Variants in VPS13B observed in about 807,000 individuals in gnomAD.
VPS13B encodes intermembrane lipid transfer protein VPS13B.
Under a neutral mutation model 426.4 loss-of-function variants are expected in VPS13B, and 285 were observed. The observed-to-expected ratio is 0.67, with a 90% CI of 0.61 to 0.74. The LOEUF is 0.74. Ranked by LOEUF, VPS13B falls within the 30% of genes least tolerant of loss-of-function variation. The probability of loss-of-function intolerance (pLI) is 0.00; values close to 1 mark genes in which losing one functional copy is unlikely to be tolerated. For missense variants in VPS13B, 4,537 were observed against 4,782.6 expected (o/e 0.95, Z 1.51); for synonymous variants, 1,676 against 1,676.4 (o/e 1.00, Z 0.01).
chr8:99,831,617 T>C lies in VPS13B; in HGVS notation c.9331-752T>C, dbSNP rs112318224. On this transcript the variant is annotated intron_variant, in intron 51 of 61. Coordinates refer to ENST00000357162, the MANE Select transcript of VPS13B (RefSeq NM_152564.5). ...TCTGTCTCTGTAGGTTCCATAGTTA[T>C]GGATTCAACCAAACATAGACCAAAA... Among the ~76,000 whole-genome samples the C allele has an allele frequency of 2.4e-3, 368 of 152,312 alleles. 2 individuals carry two copies. The highest frequency in any genetic ancestry group is 8.5e-3 in the African/African-American group (352 of 41,578).
intron 19 of VPS13B, among the ~76,000 whole-genome samples, chr8:99,352,696 C>G (rs909396023): frequency 6.6e-6 from 1 of 151,656 alleles, no homozygotes. Context: ...TGGTAGCGGG[C>G]GCCTCTAATC....
At chr8:99,533,029 TCC>T (rs1823013717) in intron 30 of VPS13B, among the ~76,000 whole-genome samples, 1 of 142,830 alleles carries the variant, frequency 7.0e-6, no homozygotes, top group Admixed American at 7.2e-5. Flanking sequence ...AGCCTCCACC[TCC>T]CGGGTTCAAG....
At chr8:99,259,283 A>G (rs185126140) in intron 17 of VPS13B, among the ~76,000 whole-genome samples, 1 of 152,156 alleles carries the variant, frequency 6.6e-6, no homozygotes, top group Non-Finnish European at 1.5e-5. Context: ...TCTTAGGAGA[A>G]AATTCGTTTA....
chr8:99,154,436 TG>T (rs1811245339), intron 14 of VPS13B, among the ~76,000 whole-genome samples: 1 of 152,194 alleles, frequency 6.6e-6, no homozygotes, highest in Non-Finnish European at 1.5e-5. Context: ...GAGATTCTTT[TG>T]TTAGCCATGT....
At chr8:99,372,107 CG>C (rs1283515414) in intron 19 of VPS13B, among the ~76,000 whole-genome samples, 1 of 151,566 alleles carries the variant, frequency 6.6e-6, no homozygotes, top group African/African-American at 2.4e-5. Context: ...AAAAATTAGC[CG>C]GGCGAGGTGG....
At chr8:99,203,896 G>C (rs1814511977) in intron 17 of VPS13B, among the ~76,000 whole-genome samples, 1 of 152,188 alleles carries the variant, frequency 6.6e-6, no homozygotes, top group South Asian at 2.1e-4. Flanking sequence ...CATGCTCATG[G>C]ATAGGAAGAA....
intron 39 of VPS13B, among the ~76,000 whole-genome samples, chr8:99,763,830 A>G (rs1811067606): frequency 6.6e-6 from 1 of 151,986 alleles, no homozygotes. Flanking sequence ...ACTAACCAGA[A>G]TATGTGCTAC....
intron 44 of VPS13B, among the ~76,000 whole-genome samples, chr8:99,813,352 A>T (rs939506678): frequency 6.6e-6 from 1 of 152,174 alleles, no homozygotes; most frequent in African/African-American, 2.4e-5. Context: ...TTCTCTGAGA[A>T]ACAGCCAAAT....
intron 33 of VPS13B, among the ~76,000 whole-genome samples, chr8:99,613,533 T>A (rs1266010156): frequency 6.6e-6 from 1 of 152,210 alleles, no homozygotes; most frequent in African/African-American, 2.4e-5. Context: ...ATAGCACGAT[T>A]TCTTTTATTT....
intron 17 of VPS13B, chr8:99,233,435 C>T: frequency 7.8e-7 from 1 of 1,280,200 alleles, no homozygotes; most frequent in East Asian, 2.3e-5. Flanking sequence ...ATGTGTGCCC[C>T]TTTCTTCCCG....
chr8:99,221,813 A>G (rs1408682718), intron 17 of VPS13B, among the ~76,000 whole-genome samples: 2 of 152,182 alleles, frequency 1.3e-5, no homozygotes, highest in African/African-American at 2.4e-5. Flanking sequence ...GGCTCAGGCC[A>G]TGCTCCTGCC....
At chr8:99,040,695 C>T (rs945154072) in intron 3 of VPS13B, among the ~76,000 whole-genome samples, 2 of 151,910 alleles carry the variant, frequency 1.3e-5, no homozygotes, top group African/African-American at 2.4e-5. Flanking sequence ...GAAGAAAAGA[C>T]GTATTTTCTA....
chr8:99,135,097 G>T lies in VPS13B; in HGVS notation c.1385G>T (p.Gly462Val). Residue 462 changes from glycine to valine, a missense_variant, in exon 10 of 62, where the codon GGT (glycine) becomes GTT (valine). Physicochemically the swap from Gly to Val is moderately radical, Grantham distance 109 (BLOSUM62 -3). Coordinates refer to ENST00000357162, the MANE Select transcript of VPS13B (RefSeq NM_152564.5). ...CRAMCLKGIM[G>V]VKDFEENMNR... ...GCCATGTGCCTTAAAGGAATTATGG[G>T]TGTTAAAGATTTTGAAGAGAATATG... 1 of 1,613,548 alleles carries T rather than the reference G, an allele frequency of 6.2e-7. No individual in the cohort carries two copies. The highest frequency in any genetic ancestry group is 8.5e-7 in the Non-Finnish European group (1 of 1,179,594).
intron 21 of VPS13B, among the ~76,000 whole-genome samples, chr8:99,418,580 G>A (rs550245542): frequency 1.5e-5 from 2 of 129,202 alleles, no homozygotes; most frequent in East Asian, 4.6e-4. Context: ...ATGGATTTTT[G>A]CTCTGTAACC....
chr8:99,688,325 CT>C (rs1831507238), intron 35 of VPS13B, among the ~76,000 whole-genome samples: 1 of 151,728 alleles, frequency 6.6e-6, no homozygotes, highest in Admixed American at 6.6e-5. Flanking sequence ...ATTTAGGAGG[CT>C]TTATAATAAC....
chr8:99,512,330 G>C (rs1294526775), intron 29 of VPS13B, among the ~76,000 whole-genome samples: 1 of 152,182 alleles, frequency 6.6e-6, no homozygotes, highest in East Asian at 1.9e-4. Context: ...CCAATTACAA[G>C]TGATAAACAA....
intron 3 of VPS13B, 112 bp downstream of exon 3, chr8:99,038,678 ACT>A: frequency 1.3e-4 from 59 of 463,518 alleles, no homozygotes; most frequent in Middle Eastern, 7.3e-4. Flanking sequence ...TAGCTTATAT[ACT>A]TTTTTTTTTT....
At position 99,513,541 on chromosome 8, in the gene VPS13B, C is replaced by T. The variant is rs1001514362; in HGVS notation, c.4633+2029C>T. Reference sequence around the variant, plus strand: ...TTTTTTACTAATAAAGAAATGTTGACGATTTATAAATGATTCTCAAATTTT... The same window carrying T: ...TTTTTTACTAATAAAGAAATGTTGATGATTTATAAATGATTCTCAAATTTT... On this transcript the variant is annotated intron_variant, in intron 29 of 61. Transcript: ENST00000357162. Among the ~76,000 whole-genome samples the T allele has an allele frequency of 4.6e-5, 7 of 152,128 alleles. 1 individual carries two copies. The highest frequency in any genetic ancestry group is 4.1e-4 in the South Asian group (2 of 4,820).
intron 17 of VPS13B, among the ~76,000 whole-genome samples, chr8:99,266,431 A>AT (rs1170731574): frequency 6.6e-6 from 1 of 152,084 alleles, no homozygotes; most frequent in Non-Finnish European, 1.5e-5. Flanking sequence ...AGAAAAAAAA[A>AT]TAGGTTTAAT....
Sources: allele counts gnomAD v4.1 joint callset (sites outside exome capture counted in the v4.1 genomes callset), GRCh38; gene constraint gnomAD v4.1.1; transcripts MANE v1.5; gene names NCBI Gene and HGNC (gene_info 2026-07-23, HGNC 2026-07-21).